The following CSMD1 variants were observed in gnomAD, a reference collection of about 807,000 sequenced individuals.
The protein encoded by CSMD1 is CUB and Sushi multiple domains 1, also known as CUB and sushi domain-containing protein 1.
CSMD1 carries 213 observed loss-of-function variants against 417.5 expected under a neutral mutation model. The ratio of observed to expected loss-of-function variants is 0.51; its 90% CI spans 0.46 to 0.57. CSMD1 has a LOEUF of 0.57. CSMD1 is among the 20% of genes least tolerant of loss of function. CSMD1 has a pLI of 0.00. For synonymous variants in CSMD1, 2,862 were observed against 1,736.8 expected, an observed-to-expected ratio of 1.65 and a Z score of -16.11; for missense variants, 6,923 against 4,529.7, an observed-to-expected ratio of 1.53 and a Z score of -15.17.
chr8:4,190,909 G>A (rs752461209), intron 3 of CSMD1, among the ~76,000 whole-genome samples: 3 of 151,588 alleles, frequency 2.0e-5, no homozygotes, highest in African/African-American at 7.3e-5. Flanking sequence ...GAGAACACAT[G>A]GGTACACATA....
intron 1 of CSMD1, among the ~76,000 whole-genome samples, chr8:4,934,112 G>A (rs1039910963): frequency 6.6e-6 from 1 of 152,122 alleles, no homozygotes; most frequent in East Asian, 1.9e-4. Context: ...TGAGCACCAG[G>A]GAGAGACCTT....
intron 18 of CSMD1, among the ~76,000 whole-genome samples, chr8:3,369,996 G>T (rs1181807203): frequency 6.6e-6 from 1 of 152,164 alleles, no homozygotes. Context: ...TCATGGATAG[G>T]TGTTTGCAAT....
intron 5 of CSMD1, among the ~76,000 whole-genome samples, chr8:3,991,992 T>A (rs555834450): frequency 1.3e-5 from 2 of 152,180 alleles, no homozygotes; most frequent in Admixed American, 1.3e-4. Flanking sequence ...AAATACACTA[T>A]TGAAAAAACA....
At position 4,006,891 on chromosome 8, in the gene CSMD1, G is replaced by A. The variant is rs561589141; in HGVS notation, c.611-8781C>T. Among the ~76,000 whole-genome samples, 3 of 130,532 alleles carry A rather than the reference G, an allele frequency of 2.3e-5. No homozygotes were observed. In the South Asian group the frequency reaches 7.9e-4, roughly 34 times the overall value. The allele number at this position is 130,532 out of a possible 152,430, so 85.6% of individuals were successfully genotyped here. On this transcript the variant is annotated intron_variant, in intron 4 of 69. Transcript: ENST00000635120. ...TGCCCAGGCTGGAGTGCAGTGGCGT[G>A]ATCTCGGCTCACTGCAAGCTCCGCC...
At chr8:4,800,879 A>T (rs903111203) in intron 1 of CSMD1, among the ~76,000 whole-genome samples, 3 of 152,234 alleles carry the variant, frequency 2.0e-5, no homozygotes, top group Non-Finnish European at 4.4e-5. Context: ...TCCCTTTCAC[A>T]CATGGAACTT....
At chr8:3,354,077 T>A (rs1050729579) in intron 21 of CSMD1, among the ~76,000 whole-genome samples, 4 of 152,174 alleles carry the variant, frequency 2.6e-5, no homozygotes, top group Non-Finnish European at 4.4e-5. Context: ...TATAAATTAA[T>A]GCATATTCAA....
intron 3 of CSMD1, among the ~76,000 whole-genome samples, chr8:4,402,539 C>A (rs1321945277): frequency 6.6e-6 from 1 of 152,186 alleles, no homozygotes; most frequent in African/African-American, 2.4e-5. Context: ...GCTCAATTCT[C>A]ACAGCCTCTT....
chr8:3,226,794 G>C (rs903701131), intron 27 of CSMD1, among the ~76,000 whole-genome samples: 4 of 152,012 alleles, frequency 2.6e-5, no homozygotes, highest in Non-Finnish European at 5.9e-5. Context: ...ACACACAACA[G>C]GTGAGAGGTT....
intron 1 of CSMD1, among the ~76,000 whole-genome samples, chr8:4,929,547 C>T (rs994742681): frequency 4.6e-5 from 7 of 152,108 alleles, no homozygotes; most frequent in Admixed American, 4.6e-4. Flanking sequence ...TAACACTCAC[C>T]TCAGTGTAGA....
intron 12 of CSMD1, among the ~76,000 whole-genome samples, chr8:3,461,789 C>G (rs1381304682): frequency 6.6e-6 from 1 of 152,202 alleles, no homozygotes; most frequent in Non-Finnish European, 1.5e-5. Context: ...CATGGGGACT[C>G]TCTTACGTGT....
At chr8:4,613,646 C>A (rs1052842621) in intron 2 of CSMD1, among the ~76,000 whole-genome samples, 1 of 152,038 alleles carries the variant, frequency 6.6e-6, no homozygotes, top group African/African-American at 2.4e-5. Context: ...GCCTGACAAC[C>A]CTTAATGAAT....
intron 7 of CSMD1, among the ~76,000 whole-genome samples, chr8:3,622,843 T>G (rs1029648071): frequency 1.3e-5 from 2 of 152,120 alleles, no homozygotes; most frequent in African/African-American, 4.8e-5. Context: ...AGCTCCAAGG[T>G]TGGAAAGAAT....
chr8:3,834,566 C>G (rs991815655), intron 5 of CSMD1, among the ~76,000 whole-genome samples: 1 of 152,146 alleles, frequency 6.6e-6, no homozygotes, highest in Non-Finnish European at 1.5e-5. Flanking sequence ...TAAATGTATC[C>G]TGGCTGTATT....
intron 41 of CSMD1, among the ~76,000 whole-genome samples, chr8:3,122,575 G>T (rs1281775792): frequency 6.6e-6 from 1 of 152,140 alleles, no homozygotes; most frequent in African/African-American, 2.4e-5. Context: ...AGGGACCCAG[G>T]GGAGGTAATT....
chr8:4,411,777 C>A (rs890612816), intron 3 of CSMD1, among the ~76,000 whole-genome samples: 2 of 152,134 alleles, frequency 1.3e-5, no homozygotes, highest in Non-Finnish European at 2.9e-5. Context: ...TATCTTTTCA[C>A]CAAAATGGAA....
intron 7 of CSMD1, among the ~76,000 whole-genome samples, chr8:3,644,927 C>G (rs2117340622): frequency 7.3e-6 from 1 of 137,680 alleles, no homozygotes; most frequent in Admixed American, 7.6e-5. Flanking sequence ...CACATTTTCC[C>G]TGGAAATTCC....
chr8:4,293,378 T>A (rs1797480770), intron 3 of CSMD1, among the ~76,000 whole-genome samples: 1 of 152,210 alleles, frequency 6.6e-6, no homozygotes, highest in Non-Finnish European at 1.5e-5. Context: ...CTAAATTTAT[T>A]GAGCAACTCT....
At chr8:4,467,002 CAT>C (rs1264411562) in intron 2 of CSMD1, among the ~76,000 whole-genome samples, 2 of 151,582 alleles carry the variant, frequency 1.3e-5, no homozygotes, top group African/African-American at 4.9e-5. Flanking sequence ...GCTTTCTCAA[CAT>C]AGCTCAACTG....
At chr8:4,771,045 C>G (rs989438128) in intron 1 of CSMD1, among the ~76,000 whole-genome samples, 1 of 152,142 alleles carries the variant, frequency 6.6e-6, no homozygotes, top group Non-Finnish European at 1.5e-5. Flanking sequence ...AGCAATATTT[C>G]CAAACCATAT....
Sources: allele counts gnomAD v4.1 joint callset (sites outside exome capture counted in the v4.1 genomes callset), GRCh38; gene constraint gnomAD v4.1.1; transcripts MANE v1.5; gene names NCBI Gene and HGNC (gene_info 2026-07-23, HGNC 2026-07-21).